KIF1B: variants seen among roughly 807,000 people sequenced by gnomAD.
The protein encoded by KIF1B is kinesin-like protein KIF1B.
A neutral mutation model predicts 241.9 loss-of-function variants in KIF1B; 76 were observed. That is an observed-to-expected ratio of 0.31 (90% CI 0.26 to 0.38). The LOEUF is 0.38. Among genes scored for constraint, KIF1B ranks in the 10% least tolerant of loss-of-function variants. The pLI is 1.00. For synonymous variants in KIF1B, 750 were observed against 796.7 expected, an observed-to-expected ratio of 0.94 and a Z score of 0.99; for missense variants, 1,622 against 2,271.4, an observed-to-expected ratio of 0.71 and a Z score of 5.81.
At chr1:10,355,773 C>A (rs542652973) in intron 38 of KIF1B, among the ~76,000 whole-genome samples, 1 of 152,156 alleles carries the variant, frequency 6.6e-6, no homozygotes, top group African/African-American at 2.4e-5. Context: ...CTTTATAAAA[C>A]CTGAGTCCAT....
intron 26 of KIF1B, 83 bp downstream of exon 26, chr1:10,324,978 G>A (rs1018078201): frequency 2.6e-6 from 4 of 1,534,756 alleles, no homozygotes; most frequent in Admixed American, 1.7e-5. Flanking sequence ...AATATAAAAA[G>A]TTAAGAGGAA....
intron 4 of KIF1B, among the ~76,000 whole-genome samples, chr1:10,261,296 G>A (rs1204083143): frequency 7.4e-6 from 1 of 135,814 alleles, no homozygotes; most frequent in Admixed American, 7.7e-5. Context: ...TTTAGACAGA[G>A]TTTCACTCCT....
chr1:10,254,766 A>G (rs1216233996), intron 2 of KIF1B, among the ~76,000 whole-genome samples: 1 of 150,488 alleles, frequency 6.6e-6, no homozygotes. Flanking sequence ...AGTCCTAGCT[A>G]CTCAGGAGGC....
Position 10,337,633 on chromosome 1 carries a change from T to C in KIF1B, c.3422+100T>C. The stretch of plus-strand genomic sequence containing the variant: ...TTACATGTGTGAGGGATTAACACTC[T>C]TGAGACAAAGACTGATCAGTCTCTG... On this transcript the variant is annotated intron_variant, in intron 31 of 48. Coordinates refer to ENST00000676179, the MANE Select transcript of KIF1B (RefSeq NM_001365951.3). The surrounding 1 kb of genome is among the most constrained non-coding windows in gnomAD (Gnocchi z 4.0). 3.8e-6 allele frequency: 5 copies of C among 1,310,884 alleles called. No individual in the cohort carries two copies. The highest frequency in any genetic ancestry group is 5.5e-6 in the Non-Finnish European group (5 of 912,460). The allele number at this position is 1,310,884 out of a possible 1,614,324, so 81.2% of individuals were successfully genotyped here.
At chr1:10,244,964 T>C (rs1028116126) in intron 2 of KIF1B, among the ~76,000 whole-genome samples, 4 of 152,206 alleles carry the variant, frequency 2.6e-5, no homozygotes, top group South Asian at 2.1e-4. Context: ...AAGATTGTGC[T>C]GAAGATGTCA....
chr1:10,307,529 C>G (rs755626444), intron 22 of KIF1B: 1 of 586,122 alleles, frequency 1.7e-6, no homozygotes, highest in Non-Finnish European at 2.2e-6. Flanking sequence ...AGGCTGGTCT[C>G]GAATTCCTAA....
At chr1:10,364,009 A>T (rs1262872861) in intron 41 of KIF1B, among the ~76,000 whole-genome samples, 1 of 152,118 alleles carries the variant, frequency 6.6e-6, no homozygotes, top group Non-Finnish European at 1.5e-5. Flanking sequence ...TAGTTTCTTG[A>T]GGAATTTTTT....
rs1450306858 is a variant in KIF1B at position 10,365,635 on chromosome 1, A to G, written c.4739A>G (p.Glu1580Gly). The G allele has an allele frequency of 1.2e-6, 2 of 1,614,152 alleles. No individual in the cohort carries two copies. The highest frequency in any genetic ancestry group is 1.7e-5 in the Admixed American group (1 of 60,010). ...DIESLVDREK[E>G]LATKCLQLLT... ...GAAAGCCTGGTGGACCGAGAGAAAG[A>G]GCTGGCTACCAAGGTGTGAATCCCT... The change falls in exon 43 of 49, where the codon GAG becomes GGG. Residue 1580 changes from glutamate (E) to glycine (G), a missense_variant. This residue lies in a region of KIF1B where 357 missense variants were observed against 409.0 expected (regional missense o/e 0.87). Coordinates refer to ENST00000676179, the MANE Select transcript of KIF1B (RefSeq NM_001365951.3). The surrounding 1 kb of genome is among the most constrained non-coding windows in gnomAD (Gnocchi z 4.0).
At chr1:10,311,031 A>ATCCTCTCCTAGCCCAGCCCTTGC (rs1651043227) in intron 22 of KIF1B, among the ~76,000 whole-genome samples, 1 of 151,254 alleles carries the variant, frequency 6.6e-6, no homozygotes, top group East Asian at 1.9e-4. Flanking sequence ...ACTGTCCTTG[A>ATCCTCTCCTAGCCCAGCCCTTGC]TCCTCTCCTA....
At chr1:10,359,334 T>C (rs1638347905) in intron 38 of KIF1B, among the ~76,000 whole-genome samples, 3 of 151,692 alleles carry the variant, frequency 2.0e-5, no homozygotes, top group African/African-American at 7.3e-5. Flanking sequence ...CTGTGTTCTA[T>C]CTGCGGAGAA....
Position 10,295,069 on chromosome 1 carries a change from T to C in KIF1B, c.1591-17T>C, listed in dbSNP as rs766541523. ...ATGGTGCCCTGCTCCAAATTGATCA[T>C]CTGTAATCTTTTTCAGACCCCACAT... On this transcript the variant is annotated splice_polypyrimidine_tract_variant and intron_variant, in intron 17 of 48. Transcript: ENST00000676179. 1 of 1,558,852 alleles carries C rather than the reference T, an allele frequency of 6.4e-7. No individual in the cohort carries two copies. The highest frequency in any genetic ancestry group is 8.9e-7 in the Non-Finnish European group (1 of 1,129,698).
At chr1:10,352,567 T>C in intron 37 of KIF1B, 64 bp from the exon 38 acceptor site, 1 of 1,387,240 alleles carries the variant, frequency 7.2e-7, no homozygotes. Flanking sequence ...TCTTTTGGGC[T>C]TAATGAATTC....
chr1:10,294,980 G>A, intron 17 of KIF1B, 106 bp from the exon 18 acceptor site: 2 of 798,762 alleles, frequency 2.5e-6, no homozygotes, highest in South Asian at 1.4e-5. Flanking sequence ...TCCCTCTCTA[G>A]GCTCTGTGGA....
chr1:10,267,634 G>GTT, intron 6 of KIF1B, 76 bp downstream of exon 6: 1 of 1,397,766 alleles, frequency 7.2e-7, no homozygotes, highest in Non-Finnish European at 1.0e-6. Context: ...AAGGGTTTGA[G>GTT]GCCACATTTA....
intron 48 of KIF1B, among the ~76,000 whole-genome samples, chr1:10,375,673 C>T (rs536861646): frequency 6.6e-6 from 1 of 152,058 alleles, no homozygotes; most frequent in South Asian, 2.1e-4. Context: ...GCCTGAGCCA[C>T]TGCACCCAGC....
intron 38 of KIF1B, among the ~76,000 whole-genome samples, chr1:10,359,689 TTC>T (rs971388724): frequency 9.2e-5 from 14 of 152,200 alleles, no homozygotes; most frequent in African/African-American, 3.4e-4. Context: ...TAACAATTTA[TTC>T]TCTTTTACTG....
At chr1:10,214,524 C>T (rs1320588819) in intron 1 of KIF1B, among the ~76,000 whole-genome samples, 1 of 145,548 alleles carries the variant, frequency 6.9e-6, no homozygotes, top group South Asian at 2.2e-4. Context: ...TCCTGACCTT[C>T]TGATCCGCCT....
chr1:10,262,567 G>A (rs1648210831), intron 5 of KIF1B, among the ~76,000 whole-genome samples: 1 of 152,152 alleles, frequency 6.6e-6, no homozygotes, highest in Non-Finnish European at 1.5e-5. Flanking sequence ...AAGTAATGCT[G>A]GGTAACAGTT....
intron 22 of KIF1B, chr1:10,305,202 A>G (rs762978141): frequency 3.4e-4 from 359 of 1,046,910 alleles, no homozygotes; most frequent in Middle Eastern, 8.8e-4. Context: ...AAGGTCTTCA[A>G]ACATATCTTG....
Sources: gnomAD v4.1 joint callset for allele counts (sites outside exome capture counted in the v4.1 genomes callset) on GRCh38, gnomAD v4.1.1 for gene constraint, gnomAD v4.1.1 regional missense constraint, Gnocchi (gnomAD v3.1) non-coding constraint, MANE v1.5 for transcripts, NCBI Gene and HGNC (gene_info 2026-07-23, HGNC 2026-07-21) for gene names.